Variants in SLC17A4 observed in about 807,000 individuals in gnomAD.
The protein encoded by SLC17A4 is probable small intestine urate exporter.
SLC17A4 carries 33 observed loss-of-function variants against 52.5 expected under a neutral mutation model. The ratio of observed to expected loss-of-function variants is 0.63; its 90% confidence interval spans 0.48 to 0.84. The LOEUF (loss-of-function observed/expected upper bound fraction) is 0.84, where lower values mean the gene tolerates loss of function less well. Ranked by LOEUF, SLC17A4 falls within the 40% of genes least tolerant of loss-of-function variation. SLC17A4 has a pLI of 0.00. For missense variants in SLC17A4, 585 were observed against 597.1 expected (o/e 0.98, Z 0.21); for synonymous variants, 225 against 216.2 (o/e 1.04, Z -0.36).
rs1208520209 is a variant in SLC17A4, at chr6:25,770,942, CT to C, written c.638del (p.Phe213SerfsTer14). Reference protein sequence around the residue: ...IAGSGSMLGSFIVLLAGGLLC... With the variant: ...IAGSGSMLGSXIVLLAGGLLC... The stretch of plus-strand genomic sequence containing the variant: ...TCTGTTCAGGGTCAATGCTGGGGTC[CT>C]TCATTGTTCTACTTGCTGGTGGTCT... On this transcript the variant is annotated frameshift_variant, in exon 6 of 12. Coordinates refer to ENST00000377905, the MANE Select transcript of SLC17A4 (RefSeq NM_005495.3). LOFTEE classifies it high-confidence loss of function. The C allele has an allele frequency of 1.9e-6, 3 of 1,613,862 alleles. No homozygotes were observed. In the African/African-American group the frequency reaches 4.0e-5, roughly 22 times the overall value.
chr6:25,775,365 T>A (rs1319312974), intron 8 of SLC17A4, among the ~76,000 whole-genome samples: 1 of 152,048 alleles, frequency 6.6e-6, no homozygotes, highest in Non-Finnish European at 1.5e-5. Flanking sequence ...AAATCTTTCT[T>A]TCATTACTGT....
At chr6:25,777,038 A>G (rs1762981799) in intron 10 of SLC17A4, 79 bp downstream of exon 10, 1 of 1,463,122 alleles carries the variant, frequency 6.8e-7, no homozygotes, top group East Asian at 2.3e-5. Context: ...ATGTGAAAGT[A>G]AAATGTGGCA....
chr6:25,765,149 G>A (rs1317817), intron 2 of SLC17A4, among the ~76,000 whole-genome samples: 44,084 of 152,036 alleles, frequency 0.29, 7,196 homozygotes, highest in East Asian at 0.68. Context: ...AGGAACCTAC[G>A]TAAATATGTT....
chr6:25,757,991 G>A (rs768896368), intron 1 of SLC17A4, among the ~76,000 whole-genome samples: 1 of 152,148 alleles, frequency 6.6e-6, no homozygotes, highest in Non-Finnish European at 1.5e-5. Flanking sequence ...ATCCGTATCT[G>A]GTTCACAAGG....
chr6:25,761,850 C>A, intron 1 of SLC17A4, 77 bp from the exon 2 acceptor site: 1 of 803,652 alleles, frequency 1.2e-6, no homozygotes, highest in Non-Finnish European at 1.9e-6. Context: ...AACATTTGCT[C>A]CTAGTTCTTA....
chr6:25,773,130 C>T, intron 6 of SLC17A4, 145 bp from the exon 7 acceptor site: 1 of 704,000 alleles, frequency 1.4e-6, no homozygotes, highest in Non-Finnish European at 2.5e-6. Context: ...GTACCCTCCC[C>T]CATGATAGGG....
chr6:25,778,034 G>A lies in SLC17A4; in HGVS notation c.1359+18G>A, dbSNP rs767610383. The A allele has an allele frequency of 1.8e-5, 28 of 1,596,950 alleles. No individual in the cohort carries two copies. Among genetic ancestry groups the A allele is most frequent in the Non-Finnish European group, 2.3e-5 (27 of 1,168,440 alleles). On this transcript the variant is annotated intron_variant, in intron 11 of 11. Coordinates refer to ENST00000377905, the MANE Select transcript of SLC17A4 (RefSeq NM_005495.3). ...TCAGTCAGGTGAGGTCAAATGTTCT[G>A]ATGAATATTCATAAAAGAAACCTAT...
At chr6:25,762,833 C>T (rs59811281) in intron 2 of SLC17A4, among the ~76,000 whole-genome samples, 6,840 of 152,218 alleles carry the variant, frequency 0.045, 461 homozygotes, top group African/African-American at 0.14. Context: ...CCAGTAGTCT[C>T]GGCTGAAGGT....
At chr6:25,775,986 C>T (rs1762881578) in intron 8 of SLC17A4, among the ~76,000 whole-genome samples, 1 of 152,080 alleles carries the variant, frequency 6.6e-6, no homozygotes, top group Admixed American at 6.6e-5. Flanking sequence ...ATTTCTCATA[C>T]CTTTGTGCAA....
At position 25,770,991 on chromosome 6, in the gene SLC17A4, C is replaced by A. The variant is rs751421879; in HGVS notation, c.685C>A (p.Pro229Thr). ...GGLLCQTIGW[P>T]YVFYIFGGIG... ...TCTCCTCTGCCAGACCATAGGATGG[C>A]CTTACGTCTTCTATATCTTTGGTGA... The change falls in exon 6 of 12, where the codon CCT becomes ACT. Residue 229 changes from proline to threonine, a missense_variant. Pro to Thr is a conservative substitution (Grantham distance 38, BLOSUM62 -1). Transcript: ENST00000377905. 3.2e-5 allele frequency: 52 copies of A among 1,613,614 alleles called. No homozygotes were observed. The highest frequency in any genetic ancestry group is 1.3e-5 in the African/African-American group (1 of 74,890).
intron 2 of SLC17A4, among the ~76,000 whole-genome samples, chr6:25,765,126 G>A (rs1032309163): frequency 2.0e-5 from 3 of 152,190 alleles, no homozygotes; most frequent in African/African-American, 7.2e-5. Flanking sequence ...CAAGGCTGTA[G>A]GGGTGGACTA....
intron 2 of SLC17A4, among the ~76,000 whole-genome samples, 167 bp from the exon 3 acceptor site, chr6:25,768,818 C>G (rs1429667445): frequency 2.0e-5 from 3 of 152,206 alleles, no homozygotes; most frequent in African/African-American, 7.2e-5. Context: ...CCACCTCCCC[C>G]ATTACCTCCC....
chr6:25,763,928 A>G (rs1761774324), intron 2 of SLC17A4, among the ~76,000 whole-genome samples: 2 of 152,224 alleles, frequency 1.3e-5, no homozygotes, highest in African/African-American at 4.8e-5. Flanking sequence ...TTCTGAGAAG[A>G]AAGAAGATTA....
chr6:25,779,011 G>A, intron 11 of SLC17A4, 43 bp from the exon 12 acceptor site: 1 of 1,608,704 alleles, frequency 6.2e-7, no homozygotes, highest in Admixed American at 1.7e-5. Flanking sequence ...AAGAGGGACA[G>A]GAATTGGGTG....
intron 2 of SLC17A4, among the ~76,000 whole-genome samples, chr6:25,768,690 T>G (rs1443538837): frequency 6.6e-6 from 1 of 152,156 alleles, no homozygotes; most frequent in Non-Finnish European, 1.5e-5. Context: ...AATCCACTTC[T>G]TCCCATTCCT....
At chr6:25,771,074 A>G in intron 6 of SLC17A4, 62 bp downstream of exon 6, 4 of 1,323,332 alleles carry the variant, frequency 3.0e-6, no homozygotes, top group Non-Finnish European at 4.4e-6. Flanking sequence ...CAATTTATCT[A>G]TGGTTAACCA....
At chr6:25,759,811 T>G (rs1761375110) in intron 1 of SLC17A4, among the ~76,000 whole-genome samples, 2 of 152,250 alleles carry the variant, frequency 1.3e-5, no homozygotes, top group Admixed American at 1.3e-4. Flanking sequence ...CTTGGTTGTT[T>G]ACCTGTCTTT....
At chr6:25,769,841 G>A (rs9358889) in intron 3 of SLC17A4, among the ~76,000 whole-genome samples, 1 of 150,840 alleles carries the variant, frequency 6.6e-6, no homozygotes, top group African/African-American at 2.4e-5. Context: ...GTTTCTTTAC[G>A]AACTCTCTTA....
At position 25,770,231 on chromosome 6, in the gene SLC17A4, C is replaced by T; in HGVS notation, c.462C>T (p.Phe154=). The T allele has an allele frequency of 6.2e-7, 1 of 1,614,124 alleles. No homozygotes were observed. Among genetic ancestry groups the T allele is most frequent in the South Asian group, 1.1e-5 (1 of 91,078 alleles). Residue 154 remains phenylalanine, a synonymous_variant, in exon 4 of 12, where the codon TTC becomes TTT. Coordinates refer to ENST00000377905, the MANE Select transcript of SLC17A4 (RefSeq NM_005495.3). ...TTATTTCCTCATTCCTGACCCTCTT[C>T]ATTCCACTGGCAGCTAATGCGGGAG... ...GLFISSFLTL[F]IPLAANAGVA...
Sources: gnomAD v4.1 joint callset for allele counts (sites outside exome capture counted in the v4.1 genomes callset) on GRCh38, gnomAD v4.1.1 for gene constraint, MANE v1.5 for transcripts, NCBI Gene and HGNC (gene_info 2026-07-23, HGNC 2026-07-21) for gene names.